The following GNAS variants were observed in gnomAD, a reference collection of about 807,000 sequenced individuals.
GNAS encodes protein ALEX.
Under a neutral mutation model 54.5 loss-of-function variants are expected in GNAS, and 8 were observed. The ratio of observed to expected loss-of-function variants is 0.15; its 90% CI spans 0.09 to 0.26. The LOEUF (loss-of-function observed/expected upper bound fraction) is 0.26. Among genes scored for constraint, GNAS ranks in the 10% least tolerant of loss-of-function variants. GNAS has a pLI of 1.00. For synonymous variants in GNAS, 204 were observed against 191.4 expected, an observed-to-expected ratio of 1.07 and a Z score of -0.54; for missense variants, 170 against 529.8, an observed-to-expected ratio of 0.32 and a Z score of 6.67.
rs115465452 is a variant in GNAS at position 58,871,670 on chromosome 20, A to G, written c.44-23942A>G. 5.0e-3 allele frequency among the ~76,000 whole-genome samples: 731 copies of G among 146,032 alleles called. 8 individuals are homozygous for G. Among genetic ancestry groups the G allele is most frequent in the African/African-American group, 0.018 (706 of 39,984 alleles). On this transcript the variant is annotated intron_variant, in intron 1 of 12. Transcript: ENST00000306090. ...AAACCAAAAAAATTAAAAGGGAGAGAGAGGAGGAAAAAAGAGGGAAAGGAA... is the reference window on the plus strand; with the variant it reads ...AAACCAAAAAAATTAAAAGGGAGAGGGAGGAGGAAAAAAGAGGGAAAGGAA...
intron 1 of GNAS, among the ~76,000 whole-genome samples, chr20:58,868,146 G>A (rs1487025912): frequency 1.3e-5 from 2 of 151,234 alleles, no homozygotes; most frequent in Non-Finnish European, 2.9e-5. Context: ...TCAGCTTCCT[G>A]AGTAGCTGGT....
Position 58,910,501 on chromosome 20 carries a change from TC to T in GNAS, c.1038+102del, listed in dbSNP as rs1363754371. The T allele has an allele frequency of 5.1e-6, 6 of 1,166,604 alleles. No homozygotes were observed. The highest frequency in any genetic ancestry group is 7.7e-6 in the Non-Finnish European group (6 of 778,842). The allele number at this position is 1,166,604 out of a possible 1,614,324, so 72.3% of individuals were successfully genotyped here. A position where few individuals can be genotyped will look rare whatever the true frequency, so the allele number is the denominator to read the frequency against. On this transcript the variant is annotated intron_variant, in intron 12 of 12. Coordinates refer to ENST00000371085, the MANE Select transcript of GNAS (RefSeq NM_000516.7). The surrounding 1 kb of genome is among the most constrained non-coding windows in gnomAD (Gnocchi z 5.8). Reference sequence around the variant, plus strand: ...AAATTCAGGGGTTCAGCTACCCAGTTCCATGGTTTTAGTTCACGCACATCCA... The same window carrying T: ...AAATTCAGGGGTTCAGCTACCCAGTTCATGGTTTTAGTTCACGCACATCCA...
At chr20:58,855,143 C>T in intron 1 of GNAS, 1 of 1,613,444 alleles carries the variant, frequency 6.2e-7, no homozygotes, top group South Asian at 1.1e-5. Flanking sequence ...CTGAGAGTCC[C>T]CAGCCCAAAG....
At chr20:58,898,734 T>A (rs1188942332) in intron 2 of GNAS, 6 of 646,864 alleles carry the variant, frequency 9.3e-6, no homozygotes, top group African/African-American at 1.8e-5. Flanking sequence ...AGGTGTGGGA[T>A]TCTTCCCCCA....
intron 3 of GNAS, among the ~76,000 whole-genome samples, chr20:58,901,568 C>T (rs1303126434): frequency 6.6e-6 from 1 of 151,636 alleles, no homozygotes; most frequent in African/African-American, 2.4e-5. Flanking sequence ...CCCTCCCCAC[C>T]CCAGACACCC....
chr20:58,897,066 G>A (rs2090135017), intron 2 of GNAS, among the ~76,000 whole-genome samples: 1 of 152,222 alleles, frequency 6.6e-6, no homozygotes, highest in South Asian at 2.1e-4. Flanking sequence ...CCTGTTAGTT[G>A]AGGATGCTTT....
rs1206549415 is a variant in GNAS at position 58,905,284 on chromosome 20, C to G, written c.433-99C>G. ...CAAAATTCAAAATCACACCAAGTGT[C>G]GGTCACATAGGGAACTCTGGTCTCA... On this transcript the variant is annotated intron_variant, in intron 5 of 12. Transcript: ENST00000371085. The G allele has an allele frequency of 1.4e-4, 104 of 766,366 alleles. 1 individual carries two copies. The Admixed American group carries it at 1.8e-3, about 14-fold the overall frequency. The allele number at this position is 766,366 out of a possible 1,614,324, so 47.5% of individuals were successfully genotyped here.
Position 58,841,518 on chromosome 20 carries a change from C to CA in GNAS, c.43+633dup, listed in dbSNP as rs1025945646. The CA allele has an allele frequency of 1.0e-6, 1 of 993,090 alleles. No homozygotes were observed. The highest frequency in any genetic ancestry group is 6.0e-5 in the Admixed American group (1 of 16,542). 61.5% of individuals were successfully genotyped at this position (993,090 alleles called of 1,614,324 possible). A position where few individuals can be genotyped will look rare whatever the true frequency, so the allele number is the denominator to read the frequency against. On this transcript the variant is annotated intron_variant, in intron 1 of 12. Transcript: ENST00000306090. The surrounding 1 kb of genome is among the most constrained non-coding windows in gnomAD (Gnocchi z 5.0). ...CAATTAAGCCGCGGGACCTCCGCGC[C>CA]AGTGCCTCCAGCTGCCGTGCGCCAG...
intron 1 of GNAS, among the ~76,000 whole-genome samples, chr20:58,847,401 A>G (rs997810907): frequency 1.3e-5 from 2 of 152,240 alleles, no homozygotes; most frequent in Admixed American, 1.3e-4. Flanking sequence ...CAAGGCGGGC[A>G]GAGGAGAGTC....
intron 1 of GNAS, among the ~76,000 whole-genome samples, chr20:58,894,265 A>G (rs914877897): frequency 5.9e-5 from 9 of 152,270 alleles, no homozygotes; most frequent in African/African-American, 2.2e-4. Flanking sequence ...CACTTCTGAA[A>G]TTAGAATATT....
intron 1 of GNAS, among the ~76,000 whole-genome samples, chr20:58,894,967 T>TA (rs1199401925): frequency 2.6e-5 from 4 of 152,186 alleles, no homozygotes; most frequent in African/African-American, 9.7e-5. Context: ...TTTAGAAAGA[T>TA]ATAGTTTGTG....
upstream of GNAS, chr20:58,888,619 A>AGCCACG (rs1422439365): frequency 6.6e-6 from 1 of 152,188 alleles, no homozygotes; most frequent in Non-Finnish European, 1.5e-5. Context: ...CCGACTCCAC[A>AGCCACG]GCCACGGCCA....
chr20:58,865,057 C>T (rs1488533207), intron 1 of GNAS, among the ~76,000 whole-genome samples: 2 of 152,122 alleles, frequency 1.3e-5, no homozygotes, highest in Non-Finnish European at 1.5e-5. Context: ...ACTGCCCTAA[C>T]ATCATCAGTA....
At chr20:58,854,345 G>A in intron 1 of GNAS, 1 of 1,586,240 alleles carries the variant, frequency 6.3e-7, no homozygotes, top group East Asian at 2.3e-5. Context: ...AAGCAGCAGA[G>A]ATGGAAGGAG....
At chr20:58,892,858 A>G (rs2089612188) in intron 1 of GNAS, among the ~76,000 whole-genome samples, 1 of 151,020 alleles carries the variant, frequency 6.6e-6, no homozygotes, top group South Asian at 2.1e-4. Flanking sequence ...CGGAGAATTA[A>G]TTGTAGCAGC....
intron 3 of GNAS, 171 bp from the exon 4 acceptor site, chr20:58,903,360 A>G (rs750630433): frequency 2.0e-5 from 14 of 714,976 alleles, no homozygotes; most frequent in Non-Finnish European, 3.2e-5. Context: ...TTGGGAGGTT[A>G]TAATTTGCAA....
chr20:58,868,444 G>A (rs932310149), intron 1 of GNAS, among the ~76,000 whole-genome samples: 1 of 151,366 alleles, frequency 6.6e-6, no homozygotes, highest in Non-Finnish European at 1.5e-5. Flanking sequence ...GTGAACCACC[G>A]CAGCCAGCTT....
intron 3 of GNAS, among the ~76,000 whole-genome samples, chr20:58,899,659 ACACACG>A (rs1396879999): frequency 1.5e-5 from 2 of 132,114 alleles, no homozygotes; most frequent in African/African-American, 4.9e-5. Context: ...TCACACACAC[ACACACG>A]CACACACATG....
At chr20:58,854,537 A>AGCCCC in intron 1 of GNAS, 1 of 1,567,974 alleles carries the variant, frequency 6.4e-7, no homozygotes, top group Admixed American at 1.8e-5. Flanking sequence ...ACTCCGGGGC[A>AGCCCC]TTCGCAGCCG....
Sources: allele counts gnomAD v4.1 joint callset (sites outside exome capture counted in the v4.1 genomes callset), GRCh38; gene constraint gnomAD v4.1.1; non-coding constraint Gnocchi (gnomAD v3.1); transcripts MANE v1.5; gene names NCBI Gene and HGNC (gene_info 2026-07-23, HGNC 2026-07-21).